Variants in BLTP1 observed in about 807,000 individuals in gnomAD.
BLTP1 encodes fragile site-associated protein.
At chr4:122,327,503 G>A in the BLTP1 span, among the ~76,000 whole-genome samples, 8 of 151,306 alleles carry the variant, frequency 5.3e-5, no homozygotes, top group African/African-American at 1.5e-4. Context: ...ACAGAGAGCC[G>A]GCTGTATTTA....
the BLTP1 span, chr4:122,325,474 G>A: frequency 3.0e-6 from 3 of 984,526 alleles, no homozygotes; most frequent in Non-Finnish European, 3.6e-6. Flanking sequence ...CAAGTAGTGG[G>A]CACTGCCCTT....
the BLTP1 span, among the ~76,000 whole-genome samples, chr4:122,317,063 G>C: frequency 2.0e-5 from 3 of 152,174 alleles, no homozygotes; most frequent in Admixed American, 2.0e-4. Context: ...TGGGCATGGT[G>C]GCTGATGCCT....
chr4:122,216,085 GTCTATCTA>G, the BLTP1 span, among the ~76,000 whole-genome samples: 14,804 of 144,132 alleles, frequency 0.1, 854 homozygotes, highest in Non-Finnish European at 0.11. Flanking sequence ...ATCTTTGTCT[GTCTATCTA>G]TCTATCTATC....
the BLTP1 span, chr4:122,353,291 A>G: frequency 2.9e-6 from 4 of 1,390,520 alleles, no homozygotes; most frequent in Non-Finnish European, 3.8e-6. This position sits in a 1 kb window ranked among gnomAD's most constrained non-coding sequence, Gnocchi z 4.3. Context: ...CAATAAGTCA[A>G]TATTTATAAT....
chr4:122,359,703 C>A, the BLTP1 span: 1 of 1,609,648 alleles, frequency 6.2e-7, no homozygotes. Context: ...CAATACATGG[C>A]ATCTAGAACC....
chr4:122,335,491 T>C, the BLTP1 span, among the ~76,000 whole-genome samples: 4 of 152,220 alleles, frequency 2.6e-5, no homozygotes, highest in Non-Finnish European at 5.9e-5. Context: ...AAAGTTTCAT[T>C]TGGGAGACAA....
chr4:122,290,294 G>A, the BLTP1 span, among the ~76,000 whole-genome samples: 1 of 152,144 alleles, frequency 6.6e-6, no homozygotes, highest in Admixed American at 6.5e-5. Context: ...AAATCATTAA[G>A]GAAGAAATAA....
the BLTP1 span, chr4:122,250,316 A>G: frequency 7.2e-6 from 11 of 1,536,040 alleles, no homozygotes; most frequent in African/African-American, 1.4e-4. Context: ...CAGCATTAAG[A>G]CACTTATTCA....
At chr4:122,200,411 C>G in the BLTP1 span, 1 of 550,978 alleles carries the variant, frequency 1.8e-6, no homozygotes, top group South Asian at 7.8e-5. Flanking sequence ...AACCCTGCCT[C>G]TACTAAAAAT....
At chr4:122,207,719 T>C in the BLTP1 span, 1 of 1,183,262 alleles carries the variant, frequency 8.5e-7, no homozygotes, top group South Asian at 1.6e-5. Context: ...CACTCTCTTC[T>C]CCCCAGTCCA....
chr4:122,249,068 G>A, the BLTP1 span: 5 of 942,952 alleles, frequency 5.3e-6, no homozygotes, highest in Non-Finnish European at 6.3e-6. Context: ...AAATATGTCA[G>A]TATAAAACAG....
chr4:122,344,844 G>T, the BLTP1 span: 3 of 984,580 alleles, frequency 3.0e-6, no homozygotes, highest in Non-Finnish European at 3.6e-6. Flanking sequence ...ACCATGAATT[G>T]GTACAGTTTC....
At chr4:122,164,430 C>T in the BLTP1 span, 2 of 985,108 alleles carry the variant, frequency 2.0e-6, no homozygotes, top group Non-Finnish European at 2.4e-6. Context: ...TCTCCTTCCC[C>T]CAGAATCTCC....
At chr4:122,235,451 G>A in the BLTP1 span, 6 of 971,928 alleles carry the variant, frequency 6.2e-6, no homozygotes, top group Non-Finnish European at 6.1e-6. Flanking sequence ...TATATTTGCA[G>A]AATAGTTTCC....
chr4:122,304,763 A>T, the BLTP1 span: 12 of 1,604,622 alleles, frequency 7.5e-6, no homozygotes, highest in Admixed American at 1.9e-4. Context: ...TTGATTTAAG[A>T]TTCATTTTTT....
At chr4:122,208,782 G>A in the BLTP1 span, 8 of 533,006 alleles carry the variant, frequency 1.5e-5, no homozygotes, top group East Asian at 1.5e-4. Flanking sequence ...TATCTCACTC[G>A]TGTAATCCCA....
the BLTP1 span, chr4:122,346,884 C>A: frequency 1.4e-6 from 2 of 1,462,288 alleles, no homozygotes; most frequent in East Asian, 4.7e-5. Flanking sequence ...AAGAAATGTC[C>A]ATTGGGCCCC....
At chr4:122,287,736 A>G in the BLTP1 span, 1 of 982,174 alleles carries the variant, frequency 1.0e-6, no homozygotes, top group Non-Finnish European at 1.2e-6. Context: ...CTTGCCCTGG[A>G]AGCTCTCTAA....
chr4:122,304,961 T>G, the BLTP1 span: 1 of 1,613,820 alleles, frequency 6.2e-7, no homozygotes, highest in Admixed American at 1.7e-5. Flanking sequence ...AATCTGGCAT[T>G]AGGACAAATT....
Sources: gnomAD v4.1 joint callset for allele counts (sites outside exome capture counted in the v4.1 genomes callset) on GRCh38, gnomAD v4.1.1 for gene constraint, Gnocchi (gnomAD v3.1) non-coding constraint, MANE v1.5 for transcripts, NCBI Gene and HGNC (gene_info 2026-07-23, HGNC 2026-07-21) for gene names.